PCM1: variants seen among roughly 807,000 people sequenced by gnomAD.
The protein encoded by PCM1 is pericentriolar material 1, also known as pericentriolar material 1 protein.
In PCM1, 157 loss-of-function variants were observed where a neutral mutation model predicts 241.9. The observed-to-expected ratio is 0.65, with a 90% CI of 0.57 to 0.74. The LOEUF (loss-of-function observed/expected upper bound fraction) is 0.74. Ranked by LOEUF, PCM1 falls within the 30% of genes least tolerant of loss-of-function variation. PCM1 has a pLI of 0.00. For synonymous variants in PCM1, 1,085 were observed against 784.9 expected (o/e 1.38, Z -6.39); for missense variants, 3,478 against 2,360.1 (o/e 1.47, Z -9.81).
At chr8:17,930,759 A>G (rs2058753547) in intron 2 of PCM1, among the ~76,000 whole-genome samples, 1 of 151,966 alleles carries the variant, frequency 6.6e-6, no homozygotes, top group Non-Finnish European at 1.5e-5. Flanking sequence ...GGGTGCCTGT[A>G]GTCCCAGCTA....
chr8:17,937,990 A>T (rs2060918213), intron 4 of PCM1, among the ~76,000 whole-genome samples: 1 of 152,154 alleles, frequency 6.6e-6, no homozygotes, highest in Admixed American at 6.5e-5. Flanking sequence ...ACTGTATATC[A>T]GGCACTGAGC....
At chr8:17,995,144 A>G (rs955147408) in intron 29 of PCM1, among the ~76,000 whole-genome samples, 8 of 151,452 alleles carry the variant, frequency 5.3e-5, no homozygotes, top group Non-Finnish European at 1.0e-4. Flanking sequence ...TTCATATAAT[A>G]GTTTCATAGT....
At position 17,955,517 on chromosome 8, in the gene PCM1, G is replaced by A; in HGVS notation, c.1336G>A (p.Ala446Thr). ...TCAGAGAAGTACTTCAGCTCCCTCT[G>A]CTTCTGTAGGCTTGGCACCGGTTGT... ...VDQRSTSAPSASVGLAPVVNG... is the reference protein window; with the variant it reads ...VDQRSTSAPSTSVGLAPVVNG... Residue 446 changes from alanine (A) to threonine (T), a missense_variant, in exon 10 of 39, where the codon GCT (alanine) becomes ACT (threonine). Transcript: ENST00000325083. 3 of 1,613,688 alleles carry A rather than the reference G, an allele frequency of 1.9e-6. No individual in the cohort carries two copies. Among genetic ancestry groups the A allele is most frequent in the Non-Finnish European group, 2.5e-6 (3 of 1,179,754 alleles).
At chr8:17,928,616 CTTTTTTTTTTTT>C (rs71215287) in intron 2 of PCM1, among the ~76,000 whole-genome samples, 10 of 82,586 alleles carry the variant, frequency 1.2e-4, no homozygotes, top group East Asian at 2.8e-4. Context: ...GTATCTCCCT[CTTTTTTTTTTTT>C]TTTTTTTTTT....
At chr8:18,022,100 G>A (rs1314422769) in intron 36 of PCM1, among the ~76,000 whole-genome samples, 1 of 152,064 alleles carries the variant, frequency 6.6e-6, no homozygotes, top group Non-Finnish European at 1.5e-5. Context: ...TACTCACAAT[G>A]CAGCAAAACT....
At chr8:17,999,137 C>CTA (rs1447730006) in intron 29 of PCM1, among the ~76,000 whole-genome samples, 3 of 152,060 alleles carry the variant, frequency 2.0e-5, no homozygotes, top group Admixed American at 6.5e-5. Flanking sequence ...GCTTGGTGCT[C>CTA]TACCCCACTG....
rs751409292 is a variant in PCM1 at position 18,011,214 on chromosome 8, T to A, written c.5221-23T>A. The A allele has an allele frequency of 4.5e-6, 7 of 1,555,124 alleles. No individual in the cohort carries two copies. The African/African-American group carries it at 9.5e-5, about 21-fold the overall frequency. ...TACACATGTACTTTAAGGAATTAAT[T>A]ACTCAAATATTTTTGTGTCTAGGAC... On this transcript the variant is annotated intron_variant, in intron 32 of 38. Coordinates refer to ENST00000325083, the MANE Select transcript of PCM1 (RefSeq NM_006197.4).
At chr8:17,971,294 T>C (rs1284389911) in intron 22 of PCM1, among the ~76,000 whole-genome samples, 2 of 152,212 alleles carry the variant, frequency 1.3e-5, no homozygotes, top group Non-Finnish European at 2.9e-5. Context: ...GGTCACTGTC[T>C]CCCAGACTAT....
intron 21 of PCM1, among the ~76,000 whole-genome samples, chr8:17,968,055 CAAA>C (rs35339046): frequency 2.7e-5 from 3 of 111,988 alleles, no homozygotes; most frequent in East Asian, 2.6e-4. Flanking sequence ...GTTCCGCCGC[CAAA>C]AAAAAAAAAA....
chr8:17,931,550 T>C (rs558543990), intron 2 of PCM1, among the ~76,000 whole-genome samples: 10 of 152,270 alleles, frequency 6.6e-5, no homozygotes, highest in African/African-American at 1.7e-4. Context: ...GGCCCAGATA[T>C]ATTCTTAATA....
chr8:17,957,120 G>A (rs1231273322), intron 11 of PCM1, 144 bp from the exon 12 acceptor site: 2 of 623,878 alleles, frequency 3.2e-6, no homozygotes, highest in Non-Finnish European at 5.4e-6. Context: ...ATGAAAAGCA[G>A]GAGTCGATTA....
intron 9 of PCM1, among the ~76,000 whole-genome samples, chr8:17,954,448 GAAAA>G (rs975437584): frequency 6.7e-6 from 1 of 148,648 alleles, no homozygotes; most frequent in Non-Finnish European, 1.5e-5. Context: ...AAAAAGAAAA[GAAAA>G]AAACAACTTA....
intron 3 of PCM1, among the ~76,000 whole-genome samples, chr8:17,936,250 C>T (rs945833021): frequency 1.3e-5 from 2 of 151,882 alleles, no homozygotes; most frequent in Non-Finnish European, 2.9e-5. Context: ...TCTTCTGTGG[C>T]GAGGGTGGGG....
At chr8:17,996,861 C>CTG (rs2086978434) in intron 29 of PCM1, among the ~76,000 whole-genome samples, 2 of 152,112 alleles carry the variant, frequency 1.3e-5, no homozygotes, top group African/African-American at 2.4e-5. Context: ...TTATATCTTA[C>CTG]TGTACCATGT....
intron 18 of PCM1, 123 bp downstream of exon 18, chr8:17,964,891 A>G (rs1587054821): frequency 1.4e-6 from 1 of 700,212 alleles, no homozygotes; most frequent in Non-Finnish European, 2.4e-6. Flanking sequence ...CAATTTTTAC[A>G]CTAACTACTC....
At chr8:17,995,770 A>C (rs2129480888) in intron 29 of PCM1, among the ~76,000 whole-genome samples, 1 of 151,850 alleles carries the variant, frequency 6.6e-6, no homozygotes, top group African/African-American at 2.4e-5. Context: ...CATTGTAGAG[A>C]TCTTTCACTT....
intron 6 of PCM1, chr8:17,940,264 C>G (rs945972106): frequency 1.6e-6 from 1 of 620,906 alleles, no homozygotes; most frequent in Non-Finnish European, 2.8e-6. Context: ...AAAGTGTATT[C>G]CAGGGAAGAA....
At chr8:17,995,502 G>A (rs1272155445) in intron 29 of PCM1, among the ~76,000 whole-genome samples, 1 of 151,344 alleles carries the variant, frequency 6.6e-6, no homozygotes, top group Non-Finnish European at 1.5e-5. Flanking sequence ...AGGTTAATGT[G>A]ATTCTTCCAG....
At chr8:18,021,830 A>G (rs1250630435) in intron 36 of PCM1, among the ~76,000 whole-genome samples, 2 of 152,188 alleles carry the variant, frequency 1.3e-5, no homozygotes, top group East Asian at 3.8e-4. Flanking sequence ...TAACTGGAAG[A>G]CCTATGCCTT....
Sources: allele counts gnomAD v4.1 joint callset (sites outside exome capture counted in the v4.1 genomes callset), GRCh38; gene constraint gnomAD v4.1.1; transcripts MANE v1.5; gene names NCBI Gene and HGNC (gene_info 2026-07-23, HGNC 2026-07-21).